DCLK3: variants seen among roughly 807,000 people sequenced by gnomAD.
DCLK3 encodes serine/threonine-protein kinase DCLK3.
Under a neutral mutation model 46.4 loss-of-function variants are expected in DCLK3, and 30 were observed. The observed-to-expected ratio is 0.65, with a 90% CI of 0.48 to 0.88. DCLK3 has a LOEUF of 0.88. Among genes scored for constraint, DCLK3 ranks in the 40% least tolerant of loss-of-function variants. The probability of loss-of-function intolerance (pLI) is 0.00; values close to 1 mark genes in which losing one functional copy is unlikely to be tolerated. For missense variants in DCLK3, 846 were observed against 907.1 expected (o/e 0.93, Z 0.87); for synonymous variants, 401 against 339.2 (o/e 1.18, Z -2.00).
chr3:36,739,804 A>T (rs1482601856), intron 1 of DCLK3: 2 of 152,256 alleles, frequency 1.3e-5, no homozygotes, highest in South Asian at 2.1e-4. Flanking sequence ...ACCTTCAAGG[A>T]TCTACAGCTG....
At chr3:36,743,284 A>AC (rs58986438) in intron 1 of DCLK3, among the ~76,000 whole-genome samples, 1,683 of 151,078 alleles carry the variant, frequency 0.011, 28 homozygotes, top group African/African-American at 0.031. Flanking sequence ...AAAAAAAAAA[A>AC]AAAAAACTCC....
rs1700930684 is a variant in DCLK3 at position 36,713,145 on chromosome 3, T to C, written c.*2183A>G. On this transcript the variant is annotated 3_prime_UTR_variant, in exon 5 of 5. Coordinates refer to ENST00000636136, the MANE Select transcript of DCLK3 (RefSeq NM_001394672.2). ...TTAATTTTAGCTATTCTAATGGGTG[T>C]ATAGTGATATTTCATTGTGATTTTA... 1 of 152,214 alleles carries C rather than the reference T, an allele frequency of 6.6e-6. No homozygotes were observed. Among genetic ancestry groups the C allele is most frequent in the Admixed American group, 6.5e-5 (1 of 15,280 alleles). The allele number at this position is 152,214 out of a possible 1,614,324, so 9.4% of individuals were successfully genotyped here. A position where few individuals can be genotyped will look rare whatever the true frequency, so the allele number is the denominator to read the frequency against.
intron 1 of DCLK3, among the ~76,000 whole-genome samples, chr3:36,740,304 A>G (rs550345304): frequency 6.6e-6 from 1 of 152,262 alleles, no homozygotes; most frequent in Non-Finnish European, 1.5e-5. Flanking sequence ...ATTTTATATT[A>G]TAATTTCACT....
rs1453294365 is a variant in DCLK3, at chr3:36,715,297, C to T, written c.*31G>A. 2 of 1,612,630 alleles carry T rather than the reference C, an allele frequency of 1.2e-6. No individual in the cohort carries two copies. Among genetic ancestry groups the T allele is most frequent in the East Asian group, 2.2e-5 (1 of 44,782 alleles). ...TCCTTTTCTCTGTCCTTGAGCAGAA[C>T]TGGGGGCTGGACAGATTCCCAAGGT... On this transcript the variant is annotated 3_prime_UTR_variant, in exon 5 of 5. Coordinates refer to ENST00000636136, the MANE Select transcript of DCLK3 (RefSeq NM_001394672.2).
chr3:36,729,151 G>A (rs749689543), intron 2 of DCLK3, among the ~76,000 whole-genome samples: 3 of 151,940 alleles, frequency 2.0e-5, no homozygotes, highest in Non-Finnish European at 4.4e-5. Context: ...CAGGCACTGG[G>A]TGGTCATCAA....
At chr3:36,727,161 C>A (rs1449656388) in intron 2 of DCLK3, among the ~76,000 whole-genome samples, 1 of 151,962 alleles carries the variant, frequency 6.6e-6, no homozygotes. Flanking sequence ...TGGTGGCGGG[C>A]CCCTGTAATC....
At chr3:36,759,737 CCACA>C (rs1701521723) in intron 1 of DCLK3, among the ~76,000 whole-genome samples, 1 of 152,264 alleles carries the variant, frequency 6.6e-6, no homozygotes, top group South Asian at 2.1e-4. Context: ...GAATACTATT[CCACA>C]CACTCTTCTG....
Position 36,713,291 on chromosome 3 carries a change from T to C in DCLK3, c.*2037A>G, listed in dbSNP as rs1281518604. ...AAAAAACCAGAAAAATGTGACATCATGGTAGTCAACAGGAGAAATTATTCA... is the reference window on the plus strand; with the variant it reads ...AAAAAACCAGAAAAATGTGACATCACGGTAGTCAACAGGAGAAATTATTCA... On this transcript the variant is annotated 3_prime_UTR_variant, in exon 5 of 5. Transcript: ENST00000636136. 1 of 152,194 alleles carries C rather than the reference T, an allele frequency of 6.6e-6. No individual in the cohort carries two copies. The highest frequency in any genetic ancestry group is 1.5e-5 in the Non-Finnish European group (1 of 68,034). The allele number at this position is 152,194 out of a possible 1,614,324, so 9.4% of individuals were successfully genotyped here. A position where few individuals can be genotyped will look rare whatever the true frequency, so the allele number is the denominator to read the frequency against.
chr3:36,739,523 T>G (rs1385678560), intron 1 of DCLK3, among the ~76,000 whole-genome samples: 1 of 152,224 alleles, frequency 6.6e-6, no homozygotes, highest in Non-Finnish European at 1.5e-5. Context: ...GATGGTTACA[T>G]CAGGGGTTTC....
intron 1 of DCLK3, among the ~76,000 whole-genome samples, chr3:36,760,370 G>T (rs991074131): frequency 1.3e-5 from 2 of 151,374 alleles, no homozygotes; most frequent in Non-Finnish European, 2.9e-5. Flanking sequence ...GCAAACTATC[G>T]CAAGGACAAA....
At chr3:36,761,999 T>C (rs1000778563) in intron 1 of DCLK3, among the ~76,000 whole-genome samples, 4 of 152,194 alleles carry the variant, frequency 2.6e-5, no homozygotes, top group African/African-American at 9.7e-5. Flanking sequence ...GGATTTTTTC[T>C]TGGGAAAAAA....
rs775636532 is a variant in DCLK3 at position 36,715,382 on chromosome 3, G to T, written c.2400C>A (p.Ser800Arg). Residue 800 changes from serine (S) to arginine (R), a missense_variant, in exon 5 of 5, where the codon AGC becomes AGA. Around this residue, in one of 3 missense-constraint regions of DCLK3, gnomAD observed 46 missense variants for 41.3 expected, o/e 1.11. Transcript: ENST00000636136. ...TVKRQKQVSP[S>R]SEGHFRSQHK... ...GCTGGCTCCGGAAGTGACCCTCGCTGCTGGGGGACACCTGCTTCTGTCGTT... is the reference window on the plus strand; with the variant it reads ...GCTGGCTCCGGAAGTGACCCTCGCTTCTGGGGGACACCTGCTTCTGTCGTT... The T allele has an allele frequency of 3.1e-6, 5 of 1,614,120 alleles. No individual in the cohort carries two copies. Among genetic ancestry groups the T allele is most frequent in the Non-Finnish European group, 4.2e-6 (5 of 1,180,000 alleles).
intron 1 of DCLK3, among the ~76,000 whole-genome samples, chr3:36,743,709 A>C (rs2125533792): frequency 6.6e-6 from 1 of 152,314 alleles, no homozygotes; most frequent in African/African-American, 2.4e-5. Context: ...ACATATACAG[A>C]AGAGCAAGCA....
In DCLK3 at chr3:36,715,391, C is replaced by T; in HGVS notation, c.2391G>A (p.Val797=). Residue 797 remains valine (V), a synonymous_variant, in exon 5 of 5, where the codon GTG becomes GTA. Transcript: ENST00000636136. ...KTNTVKRQKQ[V]SPSSEGHFRS... ...GGAAGTGACCCTCGCTGCTGGGGGA[C>T]ACCTGCTTCTGTCGTTTCACTGTAT... 6.2e-7 allele frequency: 1 copy of T among 1,614,174 alleles called. No individual in the cohort carries two copies. The highest frequency in any genetic ancestry group is 8.5e-7 in the Non-Finnish European group (1 of 1,180,012).
At chr3:36,754,492 T>A (rs1232703936) in intron 1 of DCLK3, among the ~76,000 whole-genome samples, 1 of 152,220 alleles carries the variant, frequency 6.6e-6, no homozygotes, top group Non-Finnish European at 1.5e-5. Context: ...TCTGACATCA[T>A]CTTTTCTTAT....
At chr3:36,727,440 T>A (rs991149057) in intron 2 of DCLK3, among the ~76,000 whole-genome samples, 1 of 152,204 alleles carries the variant, frequency 6.6e-6, no homozygotes, top group Non-Finnish European at 1.5e-5. Flanking sequence ...TGTAGCAGAT[T>A]AAATGTTTTG....
Position 36,737,774 on chromosome 3 carries a change from CCTT to C in DCLK3, c.1390_1392del (p.Lys464del), listed in dbSNP as rs748078854. ...CATGGCTTTTTCTCCTTCTCTGCCT[CCTT>C]CTCTTCTCCTCGGGTCCTGCGGAGC... On this transcript the variant is annotated inframe_deletion, in exon 2 of 5. Transcript: ENST00000636136. The surrounding 1 kb of genome is among the most constrained non-coding windows in gnomAD (Gnocchi z 4.4). The C allele has an allele frequency of 1.4e-5, 23 of 1,614,076 alleles. No individual in the cohort carries two copies. The highest frequency in any genetic ancestry group is 1.9e-5 in the Non-Finnish European group (23 of 1,180,054).
At chr3:36,763,030 T>G (rs190590720) in intron 1 of DCLK3, among the ~76,000 whole-genome samples, 4 of 152,308 alleles carry the variant, frequency 2.6e-5, no homozygotes, top group Admixed American at 1.3e-4. Flanking sequence ...AGATGCCTCA[T>G]TGATCAAGAT....
At chr3:36,743,362 A>T (rs1315403215) in intron 1 of DCLK3, among the ~76,000 whole-genome samples, 2 of 152,098 alleles carry the variant, frequency 1.3e-5, no homozygotes, top group African/African-American at 4.8e-5. Context: ...GGTCCCAAGC[A>T]TTTTGGATAA....
Sources: allele counts gnomAD v4.1 joint callset (sites outside exome capture counted in the v4.1 genomes callset), GRCh38; gene constraint gnomAD v4.1.1; regional missense constraint gnomAD v4.1.1; non-coding constraint Gnocchi (gnomAD v3.1); transcripts MANE v1.5; gene names NCBI Gene and HGNC (gene_info 2026-07-23, HGNC 2026-07-21).